Variants in SLC39A11 observed in about 807,000 individuals in gnomAD.
SLC39A11 encodes zinc transporter ZIP11.
Under a neutral mutation model 36.1 loss-of-function variants are expected in SLC39A11, and 33 were observed. The observed-to-expected ratio is 0.91, with a 90% CI of 0.69 to 1.22. The LOEUF (loss-of-function observed/expected upper bound fraction) is 1.22. Among genes scored for constraint, SLC39A11 ranks in the 50% most tolerant of loss-of-function variants. The pLI, the probability that SLC39A11 is intolerant of heterozygous loss-of-function variation, is 0.00. For synonymous variants in SLC39A11, 166 were observed against 170.3 expected, an observed-to-expected ratio of 0.97 and a Z score of 0.20; for missense variants, 432 against 430.3, an observed-to-expected ratio of 1.00 and a Z score of -0.03.
chr17:72,997,281 T>C (rs2089576018), intron 4 of SLC39A11, among the ~76,000 whole-genome samples: 1 of 151,964 alleles, frequency 6.6e-6, no homozygotes, highest in South Asian at 2.1e-4. Context: ...TGAGATGGAG[T>C]CTCGCTCTGT....
At chr17:72,786,053 A>G (rs1424950304) in intron 6 of SLC39A11, among the ~76,000 whole-genome samples, 1 of 152,222 alleles carries the variant, frequency 6.6e-6, no homozygotes, top group African/African-American at 2.4e-5. Context: ...GGGCCAAATT[A>G]TCAGAAACCG....
At chr17:73,065,545 G>A (rs2059973465) in intron 3 of SLC39A11, among the ~76,000 whole-genome samples, 1 of 152,178 alleles carries the variant, frequency 6.6e-6, no homozygotes, top group African/African-American at 2.4e-5. Context: ...CCTGTTCTCA[G>A]GAGGTCAGGA....
chr17:73,005,007 T>C (rs1408682838), intron 4 of SLC39A11, among the ~76,000 whole-genome samples: 3 of 152,134 alleles, frequency 2.0e-5, no homozygotes, highest in Non-Finnish European at 4.4e-5. Context: ...TGTTTGTTTG[T>C]TTGTTTTAAA....
intron 7 of SLC39A11, among the ~76,000 whole-genome samples, chr17:72,676,701 C>A (rs2071275572): frequency 6.6e-6 from 1 of 152,202 alleles, no homozygotes. Context: ...CTTGCTGTAC[C>A]TAAACAGTTT....
intron 6 of SLC39A11, among the ~76,000 whole-genome samples, chr17:72,746,164 G>C (rs1175120894): frequency 6.6e-6 from 1 of 152,176 alleles, no homozygotes; most frequent in African/African-American, 2.4e-5. Flanking sequence ...GGGATGGGGA[G>C]AGAAGGTGGG....
chr17:72,894,977 C>T (rs2081957345), intron 5 of SLC39A11, among the ~76,000 whole-genome samples: 1 of 152,144 alleles, frequency 6.6e-6, no homozygotes, highest in South Asian at 2.1e-4. Flanking sequence ...GGGCAGTGTT[C>T]ATCCTCCTCT....
Position 72,647,603 on chromosome 17 carries a change from A to G in SLC39A11, c.989T>C (p.Leu330Pro), listed in dbSNP as rs1133138. ...TCAGCCCTAGCCCAGGCCAACGTCCAGTGACATCATCACTACAAATCCCAG... is the reference window on the plus strand; with the variant it reads ...TCAGCCCTAGCCCAGGCCAACGTCCGGTGACATCATCACTACAAATCCCAG... ...SILGFVVMMSLDVGLG is the reference protein window; with the variant it reads ...SILGFVVMMSPDVGLG Residue 330 changes from leucine to proline, a missense_variant, in exon 10 of 10, where the codon CTG (leucine) becomes CCG (proline). Physicochemically the swap from Leu to Pro is moderately conservative, Grantham distance 98. Coordinates refer to ENST00000255559, the MANE Select transcript of SLC39A11 (RefSeq NM_139177.4). 6.2e-7 allele frequency: 1 copy of G among 1,613,990 alleles called. No individual in the cohort carries two copies. The highest frequency in any genetic ancestry group is 8.5e-7 in the Non-Finnish European group (1 of 1,179,944).
At chr17:72,951,786 G>C (rs1456738938) in intron 4 of SLC39A11, among the ~76,000 whole-genome samples, 1 of 152,124 alleles carries the variant, frequency 6.6e-6, no homozygotes, top group Non-Finnish European at 1.5e-5. Flanking sequence ...TGTAAAGACA[G>C]TGTTCCTTTA....
chr17:73,089,951 A>C (rs986008253), intron 1 of SLC39A11, among the ~76,000 whole-genome samples: 5 of 152,202 alleles, frequency 3.3e-5, no homozygotes, highest in Non-Finnish European at 1.5e-5. Flanking sequence ...AAGGCAGAGA[A>C]ACCCATTTGT....
intron 6 of SLC39A11, among the ~76,000 whole-genome samples, chr17:72,769,966 G>A (rs2075878737): frequency 6.6e-6 from 1 of 152,242 alleles, no homozygotes; most frequent in Admixed American, 6.5e-5. Context: ...GCTTCAAGTT[G>A]TCCTGCCTTT....
At chr17:72,702,631 CA>C (rs1191218697) in intron 7 of SLC39A11, among the ~76,000 whole-genome samples, 1 of 151,944 alleles carries the variant, frequency 6.6e-6, no homozygotes, top group African/African-American at 2.4e-5. Context: ...TCCTCTTTTC[CA>C]GGGAATTTTA....
At chr17:72,925,800 T>C (rs1296639455) in intron 5 of SLC39A11, among the ~76,000 whole-genome samples, 1 of 152,226 alleles carries the variant, frequency 6.6e-6, no homozygotes, top group Admixed American at 6.5e-5. Context: ...ACCATGACAT[T>C]GCACATGGCC....
At chr17:73,087,749 C>A (rs1235478196) in intron 2 of SLC39A11, among the ~76,000 whole-genome samples, 1 of 151,690 alleles carries the variant, frequency 6.6e-6, no homozygotes, top group Non-Finnish European at 1.5e-5. Context: ...AGTGAGGGCA[C>A]TGGGAGTAGG....
At chr17:72,947,628 G>T in intron 5 of SLC39A11, 124 bp downstream of exon 5, 1 of 1,401,868 alleles carries the variant, frequency 7.1e-7, no homozygotes, top group Non-Finnish European at 9.9e-7. Context: ...GAGTGATTCG[G>T]AGGGATAGGA....
chr17:72,750,480 G>A (rs2075112854), intron 6 of SLC39A11, among the ~76,000 whole-genome samples: 1 of 146,826 alleles, frequency 6.8e-6, no homozygotes, highest in African/African-American at 2.5e-5. Context: ...GCATGTTCTT[G>A]AGGGCCTAAA....
At chr17:72,667,367 C>G (rs1044660432) in intron 7 of SLC39A11, among the ~76,000 whole-genome samples, 4 of 152,196 alleles carry the variant, frequency 2.6e-5, no homozygotes, top group African/African-American at 9.7e-5. Context: ...TTTAGAAAAC[C>G]AGGCGAGAAG....
chr17:72,871,777 T>C (rs2080642558), intron 5 of SLC39A11, among the ~76,000 whole-genome samples: 1 of 152,196 alleles, frequency 6.6e-6, no homozygotes, highest in Admixed American at 6.5e-5. Context: ...TCCTGAGTCC[T>C]ATAAACCATA....
chr17:72,825,815 G>C (rs2567483), intron 6 of SLC39A11, among the ~76,000 whole-genome samples: 12,967 of 152,206 alleles, frequency 0.085, 738 homozygotes, highest in African/African-American at 0.17. Context: ...GCTGATTTCT[G>C]CCTTTTGGAA....
chr17:72,963,773 C>T (rs1441688662), intron 4 of SLC39A11, among the ~76,000 whole-genome samples: 1 of 152,166 alleles, frequency 6.6e-6, no homozygotes, highest in Admixed American at 6.5e-5. Flanking sequence ...AAGGCTTCAG[C>T]TCAGCCATCC....
Sources: allele counts gnomAD v4.1 joint callset (sites outside exome capture counted in the v4.1 genomes callset), GRCh38; gene constraint gnomAD v4.1.1; transcripts MANE v1.5; gene names NCBI Gene and HGNC (gene_info 2026-07-23, HGNC 2026-07-21).